ZNF726: variants seen among roughly 807,000 people sequenced by gnomAD.
The protein encoded by ZNF726 is zinc finger protein 726, also known as zinc finger protein 92 pseudogene 3.
ZNF726 carries 15 observed loss-of-function variants against 11.6 expected under a neutral mutation model. The ratio of observed to expected loss-of-function variants is 1.29; its 90% confidence interval spans 0.86 to 1.99. The LOEUF is 1.99. ZNF726 is among the 30% of genes most tolerant of loss of function. The pLI, the probability that ZNF726 is intolerant of heterozygous loss-of-function variation, is 0.00. For missense variants in ZNF726, 890 were observed against 725.6 expected (o/e 1.23, Z -2.60); for synonymous variants, 295 against 243.6 (o/e 1.21, Z -1.96).
Position 23,932,824 on chromosome 19 carries a change from A to G in ZNF726, c.708A>G (p.Lys236=). 1 of 1,608,048 alleles carries G rather than the reference A, an allele frequency of 6.2e-7. No homozygotes were observed. The highest frequency in any genetic ancestry group is 1.1e-5 in the South Asian group (1 of 90,532). Residue 236 remains lysine, a synonymous_variant, in exon 4 of 4, where the codon AAA becomes AAG. Coordinates refer to ENST00000594466, the MANE Select transcript of ZNF726 (RefSeq NM_001244038.2). ...CCTACAAATGTGAAGAATATGGCAAAGCTTTTAATCAATCCTCAAATTATA... is the reference window on the plus strand; with the variant it reads ...CCTACAAATGTGAAGAATATGGCAAGGCTTTTAATCAATCCTCAAATTATA... ...EKPYKCEEYG[K]AFNQSSNYTT...
Position 23,933,623 on chromosome 19 carries a change from C to A in ZNF726, c.1507C>A (p.His503Asn). 1 of 1,611,862 alleles carries A rather than the reference C, an allele frequency of 6.2e-7. No homozygotes were observed. The highest frequency in any genetic ancestry group is 8.5e-7 in the Non-Finnish European group (1 of 1,179,306). ...SSTLTAHKII[H>N]TGEKPYKCEE... ...AACCCTTACTGCACATAAGATAATT[C>A]ATACTGGAGAGAAACCCTACAAATG... The change falls in exon 4 of 4, where the codon CAT becomes AAT. Residue 503 changes from histidine (H) to asparagine (N), a missense_variant. Coordinates refer to ENST00000594466, the MANE Select transcript of ZNF726 (RefSeq NM_001244038.2).
At chr19:23,922,922 CTTTT>C (rs372633600) in intron 3 of ZNF726, among the ~76,000 whole-genome samples, 10 of 144,770 alleles carry the variant, frequency 6.9e-5, no homozygotes, top group East Asian at 2.0e-4. Flanking sequence ...AATAGGTCAC[CTTTT>C]TTTTTTTTTA....
chr19:23,941,505 G>A (rs1568384244), intron 3 of ZNF726, among the ~76,000 whole-genome samples: 1 of 152,102 alleles, frequency 6.6e-6, no homozygotes, highest in South Asian at 2.1e-4. Context: ...AATGAATTAG[G>A]GAGGGTTCCT....
chr19:23,938,377 CAAAAT>C (rs1284562344), downstream of ZNF726, among the ~76,000 whole-genome samples: 1 of 151,830 alleles, frequency 6.6e-6, no homozygotes, highest in African/African-American at 2.4e-5. Flanking sequence ...AATATTGGAA[CAAAAT>C]AAATCATTTT....
chr19:23,918,011 A>G (rs1967746441), intron 1 of ZNF726, among the ~76,000 whole-genome samples: 1 of 152,152 alleles, frequency 6.6e-6, no homozygotes, highest in Non-Finnish European at 1.5e-5. Context: ...GGATGGCACA[A>G]TCCAGTTGGC....
chr19:23,941,522 C>T (rs1439978937), intron 3 of ZNF726, among the ~76,000 whole-genome samples: 1 of 151,910 alleles, frequency 6.6e-6, no homozygotes, highest in Non-Finnish European at 1.5e-5. Flanking sequence ...TCCTTCTTTC[C>T]CTATCTTGTG....
At chr19:23,916,288 T>G (rs1055396274) in intron 1 of ZNF726, among the ~76,000 whole-genome samples, 3 of 152,138 alleles carry the variant, frequency 2.0e-5, no homozygotes, top group African/African-American at 7.2e-5. Flanking sequence ...CTATTTGTCC[T>G]TTAGTGTACA....
intron 3 of ZNF726, among the ~76,000 whole-genome samples, chr19:23,942,664 AG>A (rs1379689119): frequency 6.6e-6 from 1 of 152,170 alleles, no homozygotes; most frequent in Non-Finnish European, 1.5e-5. Flanking sequence ...ATATATGTTT[AG>A]GATTGTGATG....
Position 23,916,407 on chromosome 19 carries a change from A to G in ZNF726, c.3+1410A>G, listed in dbSNP as rs539432532. ...GAGTGCAGTGGCATGACTTAGGCTC[A>G]CTGCAGCCTCCGCCTCCTGGGCTCA... On this transcript the variant is annotated intron_variant, in intron 1 of 3. Coordinates refer to ENST00000594466, the MANE Select transcript of ZNF726 (RefSeq NM_001244038.2). 7.5e-4 allele frequency among the ~76,000 whole-genome samples: 114 copies of G among 152,066 alleles called. 3 individuals are homozygous for G. The South Asian group carries it at 0.023, about 31-fold the overall frequency.
chr19:23,927,047 G>A (rs1378038303), intron 3 of ZNF726, among the ~76,000 whole-genome samples: 5 of 151,926 alleles, frequency 3.3e-5, no homozygotes, highest in East Asian at 1.9e-4. Context: ...GCACTATCTC[G>A]GCTCACTGCA....
intron 3 of ZNF726, chr19:23,943,447 A>G (rs1568384859): frequency 1.8e-6 from 1 of 546,576 alleles, no homozygotes; most frequent in Non-Finnish European, 3.4e-6. Flanking sequence ...CTAGGTTGCT[A>G]ACTGGAGAAT....
intron 1 of ZNF726, among the ~76,000 whole-genome samples, chr19:23,918,614 T>G (rs1172795408): frequency 6.6e-6 from 1 of 152,262 alleles, no homozygotes; most frequent in Non-Finnish European, 1.5e-5. Flanking sequence ...CAGTTGATGT[T>G]AATTCCATAA....
downstream of ZNF726, chr19:23,935,636 T>C (rs1014042914): frequency 2.2e-5 from 7 of 314,094 alleles, no homozygotes; most frequent in Admixed American, 4.2e-5. Context: ...ATGTGAAGAA[T>C]GTGACAAAGC....
At position 23,933,531 on chromosome 19, in the gene ZNF726, A is replaced by G. The variant is rs775391198; in HGVS notation, c.1415A>G (p.Lys472Arg). 6.2e-7 allele frequency: 1 copy of G among 1,612,878 alleles called. No individual in the cohort carries two copies. Among genetic ancestry groups the G allele is most frequent in the Non-Finnish European group, 8.5e-7 (1 of 1,179,978 alleles). Residue 472 changes from lysine to arginine, a missense_variant, in exon 4 of 4, where the codon AAG becomes AGG. Coordinates refer to ENST00000594466, the MANE Select transcript of ZNF726 (RefSeq NM_001244038.2). Reference protein sequence around the residue: ...FSRSSALTTHKRMHTGEKPYK... With the variant: ...FSRSSALTTHRRMHTGEKPYK... Reference sequence around the variant, plus strand: ...CGATCCTCAGCCCTAACTACACATAAGAGGATGCACACTGGAGAGAAACCC... The same window carrying G: ...CGATCCTCAGCCCTAACTACACATAGGAGGATGCACACTGGAGAGAAACCC...
At chr19:23,915,706 T>C (rs1001433962) in intron 1 of ZNF726, among the ~76,000 whole-genome samples, 2 of 151,730 alleles carry the variant, frequency 1.3e-5, no homozygotes, top group South Asian at 4.2e-4. Context: ...TCAGCCTCCC[T>C]AGTAGTTGGG....
chr19:23,935,464 A>AGT (rs1374397351), downstream of ZNF726: 1 of 505,730 alleles, frequency 2.0e-6, no homozygotes, highest in African/African-American at 1.9e-5. Flanking sequence ...AAATCTTACA[A>AGT]GTGTGAATAA....
intron 2 of ZNF726, 81 bp from the exon 3 acceptor site, chr19:23,919,906 A>G (rs1967799352): frequency 1.2e-6 from 1 of 843,256 alleles, no homozygotes; most frequent in East Asian, 3.5e-5. Flanking sequence ...ATTCTATTAT[A>G]TCCCTTTTAC....
intron 3 of ZNF726, among the ~76,000 whole-genome samples, chr19:23,942,131 T>A (rs1968348114): frequency 2.0e-5 from 3 of 152,214 alleles, no homozygotes; most frequent in African/African-American, 7.2e-5. Context: ...CCATCTTCGC[T>A]GTATCCAAGA....
At chr19:23,921,060 G>C (rs373678388) in intron 3 of ZNF726, 1 of 152,168 alleles carries the variant, frequency 6.6e-6, no homozygotes, top group Admixed American at 6.6e-5. Context: ...CATTTTGGGA[G>C]GCCAAGGTGG....
Sources: allele counts gnomAD v4.1 joint callset (sites outside exome capture counted in the v4.1 genomes callset), GRCh38; gene constraint gnomAD v4.1.1; transcripts MANE v1.5; gene names NCBI Gene and HGNC (gene_info 2026-07-23, HGNC 2026-07-21).